CPPED1: variants seen among roughly 807,000 people sequenced by gnomAD.
The protein encoded by CPPED1 is calcineurin like phosphoesterase domain containing 1.
Under a neutral mutation model 28.0 loss-of-function variants are expected in CPPED1, and 28 were observed. The observed-to-expected ratio is 1.00, with a 90% confidence interval of 0.74 to 1.37. CPPED1 has a LOEUF of 1.37. Ranked by LOEUF, CPPED1 falls within the 40% of genes most tolerant of loss-of-function variation. The pLI, the probability that CPPED1 is intolerant of heterozygous loss-of-function variation, is 0.00. For missense variants in CPPED1, 504 were observed against 416.5 expected (o/e 1.21, Z -1.83); for synonymous variants, 198 against 180.2 (o/e 1.10, Z -0.79).
intron 2 of CPPED1, among the ~76,000 whole-genome samples, chr16:12,737,283 A>T (rs1417231882): frequency 6.6e-6 from 1 of 152,208 alleles, no homozygotes; most frequent in Non-Finnish European, 1.5e-5. Context: ...AGGGCAACAA[A>T]GATCTGAAGG....
intron 2 of CPPED1, among the ~76,000 whole-genome samples, chr16:12,736,300 C>A (rs1371037268): frequency 3.3e-5 from 5 of 150,350 alleles, no homozygotes; most frequent in African/African-American, 7.3e-5. Context: ...GGCTGGAGTG[C>A]AATGGCATGA....
At chr16:12,723,114 C>T (rs142293445) in intron 2 of CPPED1, among the ~76,000 whole-genome samples, 209 of 152,224 alleles carry the variant, frequency 1.4e-3, no homozygotes, top group Middle Eastern at 0.014. Flanking sequence ...TCCGTATGTG[C>T]GCACACACAC....
At chr16:12,673,678 T>A (rs555417850) in intron 3 of CPPED1, among the ~76,000 whole-genome samples, 2 of 152,302 alleles carry the variant, frequency 1.3e-5, no homozygotes, top group South Asian at 4.1e-4. Flanking sequence ...CCAATTATTG[T>A]TAACGTCCGA....
intron 3 of CPPED1, among the ~76,000 whole-genome samples, chr16:12,693,378 G>A (rs2079973517): frequency 6.6e-6 from 1 of 152,018 alleles, no homozygotes; most frequent in Non-Finnish European, 1.5e-5. Context: ...GTGTTTTTTT[G>A]TAGAGACAGG....
intron 3 of CPPED1, among the ~76,000 whole-genome samples, chr16:12,666,468 T>TA (rs2079826469): frequency 1.3e-5 from 2 of 152,258 alleles, no homozygotes; most frequent in South Asian, 4.1e-4. Flanking sequence ...TGAAGAACGC[T>TA]GCTGCTGCCT....
chr16:12,803,600 C>T (rs919180988), intron 1 of CPPED1, 107 bp downstream of exon 1: 8 of 1,010,624 alleles, frequency 7.9e-6, no homozygotes, highest in Non-Finnish European at 8.2e-6. Flanking sequence ...CCCGGTGCAG[C>T]CCCGGATGGT....
intron 3 of CPPED1, among the ~76,000 whole-genome samples, chr16:12,689,807 T>A (rs929045405): frequency 2.0e-5 from 3 of 152,162 alleles, no homozygotes; most frequent in African/African-American, 7.2e-5. Flanking sequence ...TGAAGATTGA[T>A]AAAATCTGAA....
chr16:12,685,319 G>T (rs1420334864), intron 3 of CPPED1, among the ~76,000 whole-genome samples: 1 of 152,024 alleles, frequency 6.6e-6, no homozygotes, highest in African/African-American at 2.4e-5. Flanking sequence ...GTGTGGTGGT[G>T]GCCACCTGTA....
chr16:12,739,397 T>C (rs1214136679), intron 2 of CPPED1, among the ~76,000 whole-genome samples: 1 of 152,046 alleles, frequency 6.6e-6, no homozygotes, highest in Admixed American at 6.6e-5. Flanking sequence ...TTGGCCAACA[T>C]GGTGAAACTC....
At chr16:12,695,532 T>A (rs7198474) in intron 3 of CPPED1, among the ~76,000 whole-genome samples, 59,912 of 152,142 alleles carry the variant, frequency 0.39, 16,593 homozygotes, top group African/African-American at 0.79. Flanking sequence ...CGGCCTCCCA[T>A]AGTGCTGGGA....
At chr16:12,770,414 T>G (rs12926131) in intron 2 of CPPED1, among the ~76,000 whole-genome samples, 32,852 of 152,198 alleles carry the variant, frequency 0.22, 4,150 homozygotes, top group East Asian at 0.3. Flanking sequence ...CAGAACGCAA[T>G]GCAGTTATTA....
chr16:12,719,792 G>C (rs990448020), intron 2 of CPPED1, among the ~76,000 whole-genome samples: 3 of 151,874 alleles, frequency 2.0e-5, no homozygotes, highest in Non-Finnish European at 4.4e-5. Context: ...AAAATTAGCC[G>C]GGCGTGGTGG....
At chr16:12,744,289 AGAGAG>A (rs1567292996) in intron 2 of CPPED1, among the ~76,000 whole-genome samples, 103 of 133,880 alleles carry the variant, frequency 7.7e-4, no homozygotes, top group African/African-American at 2.6e-3. Context: ...AGAGAGAGAG[AGAGAG>A]AGAAAGCAAG....
chr16:12,769,601 A>G (rs2080458532), intron 2 of CPPED1, among the ~76,000 whole-genome samples: 1 of 152,146 alleles, frequency 6.6e-6, no homozygotes, highest in African/African-American at 2.4e-5. Context: ...ACCACTTTTA[A>G]TCAGCCTCAG....
At chr16:12,751,589 G>A (rs902796007) in intron 2 of CPPED1, among the ~76,000 whole-genome samples, 2 of 152,150 alleles carry the variant, frequency 1.3e-5, no homozygotes, top group Non-Finnish European at 2.9e-5. Flanking sequence ...GGAGCAGAAA[G>A]CTAGGAAGTC....
At chr16:12,749,939 A>G (rs1427703872) in intron 2 of CPPED1, among the ~76,000 whole-genome samples, 1 of 152,162 alleles carries the variant, frequency 6.6e-6, no homozygotes, top group Non-Finnish European at 1.5e-5. Context: ...CCTTTCCAGA[A>G]GGTTTTCAGT....
chr16:12,748,932 C>A (rs2080309392), intron 2 of CPPED1, among the ~76,000 whole-genome samples: 1 of 150,410 alleles, frequency 6.6e-6, no homozygotes, highest in African/African-American at 2.5e-5. Context: ...AAAATACATA[C>A]CTTAATTAAA....
intron 2 of CPPED1, among the ~76,000 whole-genome samples, chr16:12,755,408 A>G (rs1292845308): frequency 2.0e-5 from 3 of 151,228 alleles, no homozygotes; most frequent in Non-Finnish European, 2.9e-5. Flanking sequence ...CAGCCTCCTG[A>G]GTAGCTGGGA....
At chr16:12,795,734 C>G (rs8050212) in intron 1 of CPPED1, among the ~76,000 whole-genome samples, 19,006 of 152,224 alleles carry the variant, frequency 0.12, 1,299 homozygotes, top group Middle Eastern at 0.17. Flanking sequence ...GACAGATACA[C>G]CCAGGTGACC....
Sources: allele counts gnomAD v4.1 joint callset (sites outside exome capture counted in the v4.1 genomes callset), GRCh38; gene constraint gnomAD v4.1.1; transcripts MANE v1.5; gene names NCBI Gene and HGNC (gene_info 2026-07-23, HGNC 2026-07-21).